ST3GAL1: variants seen among roughly 807,000 people sequenced by gnomAD.
ST3GAL1 encodes the protein CMP-N-acetylneuraminate-beta-galactosamide-alpha-2,3-sialyltransferase 1.
A neutral mutation model predicts 34.1 loss-of-function variants in ST3GAL1; 16 were observed. The observed-to-expected ratio is 0.47, with a 90% confidence interval of 0.32 to 0.71. The LOEUF (loss-of-function observed/expected upper bound fraction) is 0.71. Among genes scored for constraint, ST3GAL1 ranks in the 30% least tolerant of loss-of-function variants. The pLI is 0.04. For synonymous variants in ST3GAL1, 191 were observed against 184.7 expected (o/e 1.03, Z -0.28); for missense variants, 353 against 447.4 (o/e 0.79, Z 1.90).
chr8:133,510,424 A>G (rs1479272076), intron 2 of ST3GAL1, among the ~76,000 whole-genome samples: 2 of 152,208 alleles, frequency 1.3e-5, no homozygotes, highest in Non-Finnish European at 2.9e-5. Flanking sequence ...ACTGAGGCAG[A>G]GTGAGCTTTC....
At chr8:133,530,639 T>TTTG (rs921850837) in intron 2 of ST3GAL1, among the ~76,000 whole-genome samples, 2 of 152,140 alleles carry the variant, frequency 1.3e-5, no homozygotes, top group Non-Finnish European at 2.9e-5. Flanking sequence ...CACCAAGGCT[T>TTTG]TTGTTGTTGT....
At chr8:133,485,291 C>G (rs1247455883) in intron 3 of ST3GAL1, among the ~76,000 whole-genome samples, 1 of 152,232 alleles carries the variant, frequency 6.6e-6, no homozygotes, top group Non-Finnish European at 1.5e-5. Flanking sequence ...AAGAGCCTTC[C>G]TTCCTCTGGC....
intron 2 of ST3GAL1, among the ~76,000 whole-genome samples, chr8:133,501,199 CAA>C (rs1474073953): frequency 6.6e-6 from 1 of 152,142 alleles, no homozygotes; most frequent in Non-Finnish European, 1.5e-5. Context: ...CATGGAATCC[CAA>C]GAGTTCACCC....
intron 1 of ST3GAL1, among the ~76,000 whole-genome samples, chr8:133,548,812 G>C (rs953560036): frequency 1.3e-5 from 2 of 152,162 alleles, no homozygotes; most frequent in East Asian, 1.9e-4. Context: ...GAGGAAGGGA[G>C]CTATATTTTA....
At chr8:133,505,641 C>T (rs983098190) in intron 2 of ST3GAL1, among the ~76,000 whole-genome samples, 1 of 150,402 alleles carries the variant, frequency 6.6e-6, no homozygotes, top group Non-Finnish European at 1.5e-5. Flanking sequence ...TCACTCTTGT[C>T]GCCCAGGGTG....
chr8:133,482,639 C>T (rs527422271), intron 3 of ST3GAL1, among the ~76,000 whole-genome samples: 9 of 152,330 alleles, frequency 5.9e-5, no homozygotes, highest in East Asian at 5.8e-4. Context: ...GCAACACATC[C>T]GGGGACTTCC....
At chr8:133,568,308 G>A (rs932289514) in intron 1 of ST3GAL1, among the ~76,000 whole-genome samples, 1 of 152,156 alleles carries the variant, frequency 6.6e-6, no homozygotes, top group African/African-American at 2.4e-5. Flanking sequence ...GCTGCCACTG[G>A]GACTCAAATG....
At chr8:133,528,182 G>GA (rs374193055) in intron 2 of ST3GAL1, among the ~76,000 whole-genome samples, 27 of 149,382 alleles carry the variant, frequency 1.8e-4, no homozygotes, top group South Asian at 6.4e-4. Context: ...TCAAATAAAA[G>GA]AAAAAAAAAA....
rs1303589772 is a variant in ST3GAL1 at position 133,571,031 on chromosome 8, T to C, written c.-582+662A>G. 6.6e-6 allele frequency among the ~76,000 whole-genome samples: 1 copy of C among 152,224 alleles called. No homozygotes were observed. The highest frequency in any genetic ancestry group is 1.5e-5 in the Non-Finnish European group (1 of 68,028). On this transcript the variant is annotated intron_variant, in intron 1 of 9. Coordinates refer to ENST00000522652, the MANE Select transcript of ST3GAL1 (RefSeq NM_173344.3). This position sits in a 1 kb window ranked among gnomAD's most constrained non-coding sequence, Gnocchi z 6.7. ...TCCGCCACGCCGCGTTCAGCTCTCT[T>C]GTCCCGGGTGTCAACTTCACCCCCA...
chr8:133,484,399 G>A (rs1459982203), intron 3 of ST3GAL1, among the ~76,000 whole-genome samples: 1 of 152,240 alleles, frequency 6.6e-6, no homozygotes, highest in African/African-American at 2.4e-5. Flanking sequence ...CTGAGGCTGA[G>A]GGAGGGCAGG....
rs1271214288 is a variant in ST3GAL1, at chr8:133,570,781, C to T, written c.-582+912G>A. Among the ~76,000 whole-genome samples the T allele has an allele frequency of 6.6e-6, 1 of 152,226 alleles. No individual in the cohort carries two copies. Among genetic ancestry groups the T allele is most frequent in the African/African-American group, 2.4e-5 (1 of 41,468 alleles). ...AACTAACTGTACCCTCACCAGAGCG[C>T]CTCGCCCCAGGGTCACCGCTGTCCG... On this transcript the variant is annotated intron_variant, in intron 1 of 9. Transcript: ENST00000522652. This position sits in a 1 kb window ranked among gnomAD's most constrained non-coding sequence, Gnocchi z 5.6.
At chr8:133,474,805 C>G (rs1479443495) in intron 5 of ST3GAL1, among the ~76,000 whole-genome samples, 1 of 152,198 alleles carries the variant, frequency 6.6e-6, no homozygotes, top group Non-Finnish European at 1.5e-5. Context: ...ACCCCATTTA[C>G]AGAAGCCCCC....
At chr8:133,507,638 A>G (rs1402883338) in intron 2 of ST3GAL1, among the ~76,000 whole-genome samples, 1 of 152,170 alleles carries the variant, frequency 6.6e-6, no homozygotes, top group African/African-American at 2.4e-5. Flanking sequence ...AAGAAGACGT[A>G]TTGTTTCTTT....
intron 2 of ST3GAL1, among the ~76,000 whole-genome samples, chr8:133,528,746 G>A (rs963082746): frequency 2.0e-5 from 3 of 152,194 alleles, no homozygotes; most frequent in African/African-American, 2.4e-5. Context: ...TTACTGCCTG[G>A]CCCTTTACAG....
At chr8:133,493,062 C>T (rs1029018938) in intron 3 of ST3GAL1, among the ~76,000 whole-genome samples, 3 of 152,184 alleles carry the variant, frequency 2.0e-5, no homozygotes, top group Non-Finnish European at 4.4e-5. Flanking sequence ...TCTGAGCTGG[C>T]CACCAGGTAG....
In ST3GAL1 at chr8:133,570,858, A is replaced by T. The variant is rs1200682188; in HGVS notation, c.-582+835T>A. 1.3e-5 allele frequency among the ~76,000 whole-genome samples: 2 copies of T among 152,212 alleles called. No individual in the cohort carries two copies. Among genetic ancestry groups the T allele is most frequent in the African/African-American group, 2.4e-5 (1 of 41,458 alleles). On this transcript the variant is annotated intron_variant, in intron 1 of 9. Coordinates refer to ENST00000522652, the MANE Select transcript of ST3GAL1 (RefSeq NM_173344.3). The surrounding 1 kb of genome is among the most constrained non-coding windows in gnomAD (Gnocchi z 5.6). The stretch of plus-strand genomic sequence containing the variant: ...CCCTGCCCCCACGCAGGTCACACAC[A>T]CGAGAGACACAGGCAAGTTGCTAAC...
Position 133,559,003 on chromosome 8 carries a change from T to A in ST3GAL1, c.-582+12690A>T, listed in dbSNP as rs552109712. On this transcript the variant is annotated intron_variant, in intron 1 of 9. Coordinates refer to ENST00000522652, the MANE Select transcript of ST3GAL1 (RefSeq NM_173344.3). ...TGTGCATATCAGGTGAACTGCTGTGTTTATGTGGTCCCAGGGCGATAGAGT... is the reference window on the plus strand; with the variant it reads ...TGTGCATATCAGGTGAACTGCTGTGATTATGTGGTCCCAGGGCGATAGAGT... Among the ~76,000 whole-genome samples, 439 of 151,348 alleles carry A rather than the reference T, an allele frequency of 2.9e-3. 6 individuals are homozygous for A. The highest frequency in any genetic ancestry group is 9.9e-3 in the African/African-American group (407 of 41,076).
intron 2 of ST3GAL1, among the ~76,000 whole-genome samples, chr8:133,545,495 C>T (rs145129198): frequency 3.3e-5 from 5 of 152,308 alleles, no homozygotes; most frequent in South Asian, 2.1e-4. Flanking sequence ...CAGGTTTTTA[C>T]TTACCAGTGT....
intron 2 of ST3GAL1, among the ~76,000 whole-genome samples, chr8:133,525,949 C>T (rs1817962440): frequency 6.6e-6 from 1 of 152,170 alleles, no homozygotes; most frequent in African/African-American, 2.4e-5. Context: ...GCAGCTGTGC[C>T]TGGGAGCTCA....
Sources: gnomAD v4.1 joint callset for allele counts (sites outside exome capture counted in the v4.1 genomes callset) on GRCh38, gnomAD v4.1.1 for gene constraint, Gnocchi (gnomAD v3.1) non-coding constraint, MANE v1.5 for transcripts, NCBI Gene and HGNC (gene_info 2026-07-23, HGNC 2026-07-21) for gene names.